Variants in COL11A1 observed in about 807,000 individuals in gnomAD.
COL11A1 encodes collagen type XI alpha 1 chain.
A neutral mutation model predicts 265.2 loss-of-function variants in COL11A1; 74 were observed. The ratio of observed to expected loss-of-function variants is 0.28; its 90% CI spans 0.23 to 0.34. COL11A1 has a LOEUF of 0.34. COL11A1 is among the 10% of genes least tolerant of loss of function. COL11A1 has a pLI of 1.00. For synonymous variants in COL11A1, 816 were observed against 727.6 expected (o/e 1.12, Z -1.96); for missense variants, 2,165 against 2,263.6 (o/e 0.96, Z 0.88).
intron 44 of COL11A1, among the ~76,000 whole-genome samples, chr1:102,938,325 C>T (rs900365622): frequency 6.6e-6 from 1 of 151,764 alleles, no homozygotes; most frequent in African/African-American, 2.4e-5. Flanking sequence ...GGACATATCT[C>T]TGTACTCCCC....
At chr1:103,006,142 A>C in intron 16 of COL11A1, 21 bp from the exon 17 acceptor site, 1 of 1,604,394 alleles carries the variant, frequency 6.2e-7, no homozygotes, top group Non-Finnish European at 8.5e-7. Context: ...CAACAGCATG[A>C]TTAAGCGAAG....
At chr1:103,045,469 T>G (rs1669172221) in intron 4 of COL11A1, among the ~76,000 whole-genome samples, 1 of 152,152 alleles carries the variant, frequency 6.6e-6, no homozygotes, top group South Asian at 2.1e-4. Flanking sequence ...CAATACTTAG[T>G]TGGCACTCAC....
chr1:102,907,625 A>C (rs899860961), intron 54 of COL11A1, among the ~76,000 whole-genome samples: 1 of 152,060 alleles, frequency 6.6e-6, no homozygotes, highest in Admixed American at 6.6e-5. Context: ...ATATTATATA[A>C]ATGAAATAAT....
intron 1 of COL11A1, among the ~76,000 whole-genome samples, chr1:103,094,791 A>C (rs1673611181): frequency 6.6e-6 from 1 of 152,116 alleles, no homozygotes; most frequent in South Asian, 2.1e-4. Context: ...TTATTTTGTC[A>C]ATAAGGCTTC....
chr1:103,067,353 A>G (rs1164860619), intron 4 of COL11A1, among the ~76,000 whole-genome samples: 1 of 151,898 alleles, frequency 6.6e-6, no homozygotes, highest in African/African-American at 2.4e-5. Flanking sequence ...GAAAAGCTCA[A>G]GTATCTAGAT....
chr1:103,066,814 C>T (rs1407192759), intron 4 of COL11A1, among the ~76,000 whole-genome samples: 1 of 151,808 alleles, frequency 6.6e-6, no homozygotes, highest in Non-Finnish European at 1.5e-5. Context: ...ACTATGCAGA[C>T]ACATAATTTG....
chr1:102,940,491 G>A (rs920757742), intron 42 of COL11A1, 57 bp from the exon 43 acceptor site: 44 of 1,231,638 alleles, frequency 3.6e-5, no homozygotes, highest in Non-Finnish European at 5.2e-5. Context: ...AGCTACAAGA[G>A]TAATAATCTA....
intron 37 of COL11A1, among the ~76,000 whole-genome samples, chr1:102,969,294 AT>A (rs1203532485): frequency 6.6e-6 from 1 of 152,096 alleles, no homozygotes; most frequent in Non-Finnish European, 1.5e-5. Context: ...TTTTTTTCAG[AT>A]TTCAGATTTA....
intron 5 of COL11A1, among the ~76,000 whole-genome samples, chr1:103,027,282 A>G (rs998560540): frequency 6.7e-6 from 1 of 150,038 alleles, no homozygotes; most frequent in African/African-American, 2.4e-5. Flanking sequence ...TTAATTTTCA[A>G]TCAAGATATA....
intron 5 of COL11A1, among the ~76,000 whole-genome samples, chr1:103,027,858 T>G (rs1667668604): frequency 6.6e-6 from 1 of 152,174 alleles, no homozygotes; most frequent in Non-Finnish European, 1.5e-5. Flanking sequence ...TTTTATATCA[T>G]TTTTTCTCTT....
intron 57 of COL11A1, among the ~76,000 whole-genome samples, chr1:102,894,452 T>C (rs1652149808): frequency 1.3e-5 from 2 of 152,114 alleles, no homozygotes; most frequent in Admixed American, 6.6e-5. Flanking sequence ...GAGGATCACC[T>C]AAGCCTAGAA....
chr1:103,105,175 C>G (rs565556218), intron 1 of COL11A1, among the ~76,000 whole-genome samples: 10 of 151,710 alleles, frequency 6.6e-5, no homozygotes, highest in Non-Finnish European at 1.5e-4. Context: ...ATAGTGTGGT[C>G]ACTATGAATT....
chr1:103,049,435 T>C (rs1242212692), intron 4 of COL11A1, among the ~76,000 whole-genome samples: 1 of 152,232 alleles, frequency 6.6e-6, no homozygotes, highest in Admixed American at 6.5e-5. Flanking sequence ...TGCCTTTTTC[T>C]GTTTTCGATT....
intron 1 of COL11A1, among the ~76,000 whole-genome samples, chr1:103,094,111 A>C (rs1425054048): frequency 6.6e-6 from 1 of 152,086 alleles, no homozygotes; most frequent in African/African-American, 2.4e-5. Context: ...GGAAATCAGG[A>C]AAGAGATTGT....
intron 29 of COL11A1, among the ~76,000 whole-genome samples, chr1:102,988,996 G>A (rs1663852907): frequency 1.3e-5 from 2 of 151,978 alleles, no homozygotes; most frequent in South Asian, 4.2e-4. Flanking sequence ...TCCCAATAAA[G>A]CATTTAATTT....
chr1:102,940,497 A>T, intron 42 of COL11A1, 63 bp from the exon 43 acceptor site: 1 of 1,170,492 alleles, frequency 8.5e-7, no homozygotes, highest in Non-Finnish European at 1.3e-6. Flanking sequence ...AAGAGTAATA[A>T]TCTAGCTTCT....
At chr1:103,102,375 G>A (rs779657614) in intron 1 of COL11A1, among the ~76,000 whole-genome samples, 1 of 152,004 alleles carries the variant, frequency 6.6e-6, no homozygotes, top group African/African-American at 2.4e-5. Flanking sequence ...AAAGAACTTA[G>A]GGAACATTGC....
At chr1:102,957,139 T>A (rs1372581653) in intron 41 of COL11A1, among the ~76,000 whole-genome samples, 3 of 151,912 alleles carry the variant, frequency 2.0e-5, no homozygotes, top group Admixed American at 2.0e-4. Context: ...GTACAGTAAA[T>A]CCACTTCTAT....
At chr1:103,089,403 G>T (rs1673129707) in intron 1 of COL11A1, among the ~76,000 whole-genome samples, 1 of 152,052 alleles carries the variant, frequency 6.6e-6, no homozygotes, top group Non-Finnish European at 1.5e-5. Flanking sequence ...ACACTATTTT[G>T]TTCGCTTGCT....
Sources: gnomAD v4.1 joint callset for allele counts (sites outside exome capture counted in the v4.1 genomes callset) on GRCh38, gnomAD v4.1.1 for gene constraint, MANE v1.5 for transcripts, NCBI Gene and HGNC (gene_info 2026-07-23, HGNC 2026-07-21) for gene names.